CRHR1: variants seen among roughly 807,000 people sequenced by gnomAD.
CRHR1 encodes corticotropin releasing hormone receptor 1, also known as corticotropin-releasing hormone receptor 1.
A neutral mutation model predicts 56.0 loss-of-function variants in CRHR1; 28 were observed. That is an observed-to-expected ratio of 0.50 (90% CI 0.37 to 0.69). The LOEUF (loss-of-function observed/expected upper bound fraction) is 0.69. Ranked by LOEUF, CRHR1 falls within the 30% of genes least tolerant of loss-of-function variation. The probability of loss-of-function intolerance (pLI) is 0.00; values close to 1 mark genes in which losing one functional copy is unlikely to be tolerated. For synonymous variants in CRHR1, 195 were observed against 216.5 expected, an observed-to-expected ratio of 0.90 and a Z score of 0.87; for missense variants, 376 against 548.0, an observed-to-expected ratio of 0.69 and a Z score of 3.13.
intron 1 of CRHR1, among the ~76,000 whole-genome samples, chr17:45,787,420 A>G (rs2061356008): frequency 2.0e-5 from 3 of 152,196 alleles, no homozygotes; most frequent in Admixed American, 1.3e-4. Flanking sequence ...GATGGATTCT[A>G]ACAGGAGAGT....
At chr17:45,795,412 A>G (rs547717755) in intron 1 of CRHR1, among the ~76,000 whole-genome samples, 43 of 152,310 alleles carry the variant, frequency 2.8e-4, no homozygotes, top group Non-Finnish European at 5.6e-4. Flanking sequence ...CCTCAGCACT[A>G]TTGACATTTG....
chr17:45,833,693 T>TGGGGGGGGGCCCCC, intron 10 of CRHR1, 21 bp from the exon 11 acceptor site: 9 of 1,571,584 alleles, frequency 5.7e-6, no homozygotes, highest in Non-Finnish European at 7.8e-6. Flanking sequence ...ACTCCGAGCC[T>TGGGGGGGGGCCCCC]CCCCACCCGC....
chr17:45,827,208 A>G (rs1349585752), intron 4 of CRHR1: 1 of 152,272 alleles, frequency 6.6e-6, no homozygotes, highest in Non-Finnish European at 1.5e-5. Flanking sequence ...GCAGGTGCTT[A>G]ACAGATAACT....
chr17:45,801,140 T>C (rs2061613643), intron 1 of CRHR1, among the ~76,000 whole-genome samples: 1 of 152,190 alleles, frequency 6.6e-6, no homozygotes, highest in Non-Finnish European at 1.5e-5. Context: ...TAGCAGCTGC[T>C]GCAGGCTGGA....
intron 4 of CRHR1, among the ~76,000 whole-genome samples, chr17:45,823,641 A>C (rs977044519): frequency 1.3e-5 from 2 of 152,158 alleles, no homozygotes; most frequent in Non-Finnish European, 2.9e-5. Flanking sequence ...GCTCCGGAGC[A>C]CAGGCTCTGC....
At chr17:45,818,018 G>T (rs1452363620) in intron 3 of CRHR1, among the ~76,000 whole-genome samples, 3 of 152,202 alleles carry the variant, frequency 2.0e-5, no homozygotes, top group Admixed American at 2.0e-4. Flanking sequence ...CACGATGCTG[G>T]GGGCTGAGTC....
At chr17:45,814,377 C>T (rs2061884956) in intron 2 of CRHR1, among the ~76,000 whole-genome samples, 1 of 152,170 alleles carries the variant, frequency 6.6e-6, no homozygotes, top group Admixed American at 6.5e-5. Context: ...GACTGACTCA[C>T]AATGTGGCGT....
chr17:45,826,646 G>T (rs2062168884), intron 4 of CRHR1: 2 of 152,272 alleles, frequency 1.3e-5, no homozygotes, highest in African/African-American at 4.8e-5. Context: ...ACCCCAGAGA[G>T]TGCCTCTGCT....
chr17:45,828,818 G>A (rs948371513), intron 4 of CRHR1, among the ~76,000 whole-genome samples: 5 of 152,216 alleles, frequency 3.3e-5, no homozygotes, highest in Admixed American at 2.6e-4. Flanking sequence ...GAAATCCCGG[G>A]AGTTTGGTGT....
chr17:45,828,400 C>T (rs115045401), intron 4 of CRHR1, among the ~76,000 whole-genome samples: 1 of 152,218 alleles, frequency 6.6e-6, no homozygotes, highest in Admixed American at 6.5e-5. Context: ...TCCGGCTCCC[C>T]CCACGGGGTT....
At chr17:45,822,884 G>A (rs2062073702) in intron 4 of CRHR1, among the ~76,000 whole-genome samples, 2 of 150,138 alleles carry the variant, frequency 1.3e-5, no homozygotes, top group Admixed American at 1.3e-4. Flanking sequence ...GGTGGCTCAC[G>A]CCTGTAATCC....
Position 45,784,586 on chromosome 17 carries a change from C to G in CRHR1, c.33+9C>G, listed in dbSNP as rs775051611. The G allele has an allele frequency of 1.0e-5, 16 of 1,548,568 alleles. No individual in the cohort carries two copies. In the Middle Eastern group the frequency reaches 5.6e-4, roughly 54 times the overall value. ...AGCTCCGTCTCGTCAAGGTAACAGC[C>G]CGCCGGCCATCCCTCGAGCGCTGGC... On this transcript the variant is annotated intron_variant, in intron 1 of 12. Transcript: ENST00000314537. The surrounding 1 kb of genome is among the most constrained non-coding windows in gnomAD (Gnocchi z 4.2).
rs539366064 is a variant in CRHR1 at position 45,818,206 on chromosome 17, C to T, written c.241+1624C>T. Among the ~76,000 whole-genome samples, 6 of 152,330 alleles carry T rather than the reference C, an allele frequency of 3.9e-5. No homozygotes were observed. In the South Asian group the frequency reaches 1.0e-3, roughly 26 times the overall value. ...CAGATCTGAGTTGGTCACTCCTTCA[C>T]TTGGAACCCACTCTTGTGTGGCCTC... is the stretch of plus-strand genomic sequence containing the variant. On this transcript the variant is annotated intron_variant, in intron 3 of 12. Transcript: ENST00000314537.
chr17:45,821,621 G>A (rs1017763906), intron 4 of CRHR1, among the ~76,000 whole-genome samples, 181 bp downstream of exon 4: 1 of 152,250 alleles, frequency 6.6e-6, no homozygotes, highest in Admixed American at 6.5e-5. Flanking sequence ...GCGCCCTCGA[G>A]GGCAGGCTGG....
Position 45,784,938 on chromosome 17 carries a change from G to T in CRHR1, c.33+361G>T, listed in dbSNP as rs936897642. 4.6e-5 allele frequency among the ~76,000 whole-genome samples: 7 copies of T among 152,152 alleles called. No homozygotes were observed. The highest frequency in any genetic ancestry group is 8.8e-5 in the Non-Finnish European group (6 of 68,018). On this transcript the variant is annotated intron_variant, in intron 1 of 12. Coordinates refer to ENST00000314537, the MANE Select transcript of CRHR1 (RefSeq NM_004382.5). This position sits in a 1 kb window ranked among gnomAD's most constrained non-coding sequence, Gnocchi z 4.2. ...CCCTTCCTGCAGACCTCGGCCCCGG[G>T]ACTGGAGACTCTGAAGCGGGGTTCC...
chr17:45,794,242 G>C (rs2061477668), intron 1 of CRHR1, among the ~76,000 whole-genome samples: 1 of 152,260 alleles, frequency 6.6e-6, no homozygotes, highest in African/African-American at 2.4e-5. Flanking sequence ...AGTCTTGACT[G>C]CATGCTCGGA....
At chr17:45,816,898 A>C (rs761598417) in intron 3 of CRHR1, among the ~76,000 whole-genome samples, 1 of 152,170 alleles carries the variant, frequency 6.6e-6, no homozygotes, top group Non-Finnish European at 1.5e-5. Flanking sequence ...TCTGTCTGGC[A>C]CTTTCTTCTG....
chr17:45,797,054 A>G (rs959561525), intron 1 of CRHR1, among the ~76,000 whole-genome samples: 2 of 152,200 alleles, frequency 1.3e-5, no homozygotes, highest in Non-Finnish European at 2.9e-5. Context: ...CATATCATTG[A>G]CCTGGATGTA....
chr17:45,805,816 A>G (rs1940921350), intron 1 of CRHR1, among the ~76,000 whole-genome samples: 1 of 152,154 alleles, frequency 6.6e-6, no homozygotes, highest in South Asian at 2.1e-4. Context: ...CAGGGGAAAC[A>G]GCCACCTCTC....
Sources: gnomAD v4.1 joint callset for allele counts (sites outside exome capture counted in the v4.1 genomes callset) on GRCh38, gnomAD v4.1.1 for gene constraint, Gnocchi (gnomAD v3.1) non-coding constraint, MANE v1.5 for transcripts, NCBI Gene and HGNC (gene_info 2026-07-23, HGNC 2026-07-21) for gene names.